Variants in NEK11 observed in about 807,000 individuals in gnomAD.
NEK11 encodes the protein NIMA related kinase 11, also known as serine/threonine-protein kinase Nek11.
In NEK11, 72 loss-of-function variants were observed where a neutral mutation model predicts 80.7. The ratio of observed to expected loss-of-function variants is 0.89; its 90% CI spans 0.74 to 1.08. The LOEUF (loss-of-function observed/expected upper bound fraction) is 1.08. NEK11 is among the 50% of genes least tolerant of loss of function. The pLI, the probability that NEK11 is intolerant of heterozygous loss-of-function variation, is 0.00. For missense variants in NEK11, 764 were observed against 763.6 expected, an observed-to-expected ratio of 1.00 and a Z score of -0.01; for synonymous variants, 251 against 260.7, an observed-to-expected ratio of 0.96 and a Z score of 0.36.
chr3:131,214,360 GAACGAGTTGTCTTCTGCCTCCA>G (rs1291549107), intron 14 of NEK11, among the ~76,000 whole-genome samples: 4 of 152,122 alleles, frequency 2.6e-5, no homozygotes, highest in African/African-American at 9.7e-5. Flanking sequence ...TAAAGTCATA[GAACGAGTTGTCTTCTGCCTCCA>G]AACACAGCAC....
chr3:131,203,324 C>T (rs969720166), intron 14 of NEK11, among the ~76,000 whole-genome samples: 15 of 150,170 alleles, frequency 1.0e-4, no homozygotes, highest in African/African-American at 3.2e-4. Context: ...CAAACTATCG[C>T]AAGGACAAAA....
intron 4 of NEK11, among the ~76,000 whole-genome samples, chr3:131,091,714 A>C (rs2076756106): frequency 6.6e-6 from 1 of 152,228 alleles, no homozygotes; most frequent in South Asian, 2.1e-4. Context: ...TAATGCACAA[A>C]TGTCTCCAAA....
chr3:131,213,191 C>CTA (rs1553939658), intron 14 of NEK11, among the ~76,000 whole-genome samples: 1 of 149,006 alleles, frequency 6.7e-6, no homozygotes, highest in African/African-American at 2.5e-5. Context: ...CCACCCATCT[C>CTA]CACACACACA....
At chr3:131,045,837 G>GT (rs897812086) in intron 3 of NEK11, among the ~76,000 whole-genome samples, 46 of 152,078 alleles carry the variant, frequency 3.0e-4, no homozygotes, top group African/African-American at 9.4e-4. Flanking sequence ...TTTTGGACAA[G>GT]TTTTTTTTAT....
At chr3:131,276,998 C>CACTTACAAAAAAAA (rs2096303587) in intron 17 of NEK11, among the ~76,000 whole-genome samples, 1 of 152,078 alleles carries the variant, frequency 6.6e-6, no homozygotes, top group African/African-American at 2.4e-5. Flanking sequence ...GAGTGCAGGC[C>CACTTACAAAAAAAA]AGTTGTTTTG....
intron 14 of NEK11, among the ~76,000 whole-genome samples, chr3:131,175,652 G>A (rs2092963984): frequency 6.6e-6 from 1 of 152,086 alleles, no homozygotes; most frequent in Non-Finnish European, 1.5e-5. Context: ...TGATAGAAAA[G>A]TTTGTAAGTT....
chr3:131,262,051 TA>T (rs1429421504), intron 16 of NEK11, among the ~76,000 whole-genome samples: 1 of 151,722 alleles, frequency 6.6e-6, no homozygotes, highest in African/African-American at 2.4e-5. Context: ...ACCAACAAAA[TA>T]AAAGAGAAGA....
chr3:131,219,320 A>G (rs1322962255), intron 14 of NEK11, among the ~76,000 whole-genome samples: 1 of 151,734 alleles, frequency 6.6e-6, no homozygotes, highest in East Asian at 1.9e-4. Context: ...GCATGTTCTC[A>G]CTCATAAGTG....
At chr3:131,094,730 G>T (rs2077194840) in intron 4 of NEK11, among the ~76,000 whole-genome samples, 1 of 152,144 alleles carries the variant, frequency 6.6e-6, no homozygotes, top group Non-Finnish European at 1.5e-5. Flanking sequence ...GGAATTGAGT[G>T]ATGTCCATCT....
At chr3:131,148,834 T>C (rs1303922817) in intron 7 of NEK11, among the ~76,000 whole-genome samples, 1 of 151,328 alleles carries the variant, frequency 6.6e-6, no homozygotes, top group Admixed American at 6.6e-5. Context: ...AAATAGGTAG[T>C]TTTTTTTCAT....
chr3:131,231,769 C>A (rs2095334471), intron 15 of NEK11, among the ~76,000 whole-genome samples: 1 of 151,960 alleles, frequency 6.6e-6, no homozygotes, highest in African/African-American at 2.4e-5. Context: ...AGACCTGCTG[C>A]CATCTCTCAG....
intron 9 of NEK11, among the ~76,000 whole-genome samples, chr3:131,154,316 G>A (rs756032675): frequency 6.6e-6 from 1 of 152,266 alleles, no homozygotes; most frequent in South Asian, 2.1e-4. Flanking sequence ...ACAGGGATCT[G>A]CTGGGACCAA....
chr3:131,136,687 C>T (rs150490016), intron 7 of NEK11, among the ~76,000 whole-genome samples: 15 of 152,192 alleles, frequency 9.9e-5, no homozygotes, highest in Admixed American at 3.9e-4. Context: ...AGTCCTTCTC[C>T]TAAAAGTGGG....
intron 14 of NEK11, among the ~76,000 whole-genome samples, chr3:131,209,995 C>G (rs545412990): frequency 6.6e-6 from 1 of 152,252 alleles, no homozygotes; most frequent in South Asian, 2.1e-4. Context: ...CAGATCTGCT[C>G]TGATCTTAGT....
intron 4 of NEK11, among the ~76,000 whole-genome samples, chr3:131,102,910 A>AGAACT (rs1200055858): frequency 3.3e-5 from 5 of 152,208 alleles, no homozygotes; most frequent in Non-Finnish European, 7.3e-5. Flanking sequence ...GTTGATTCGA[A>AGAACT]GAACTGGTCT....
At chr3:131,108,149 G>A (rs1461582145) in intron 4 of NEK11, among the ~76,000 whole-genome samples, 1 of 152,124 alleles carries the variant, frequency 6.6e-6, no homozygotes, top group Non-Finnish European at 1.5e-5. Flanking sequence ...CTTTTGATTT[G>A]TTACGGCCCT....
In NEK11 at chr3:131,104,809, C is replaced by T. The variant is rs75705950; in HGVS notation, c.337-4994C>T. On this transcript the variant is annotated intron_variant, in intron 4 of 17. Transcript: ENST00000383366. ...CACAGACTCCACAAGCTCTCTGTGT[C>T]GATCTGGAAGCCCAGGGGAGCCGGG... Among the ~76,000 whole-genome samples, 489 of 152,178 alleles carry T rather than the reference C, an allele frequency of 3.2e-3. 5 individuals are homozygous for T. Among genetic ancestry groups the T allele is most frequent in the African/African-American group, 0.011 (464 of 41,520 alleles).
At chr3:131,088,294 C>T (rs66499929) in intron 4 of NEK11, 1 of 152,000 alleles carries the variant, frequency 6.6e-6, no homozygotes, top group Non-Finnish European at 1.5e-5. Flanking sequence ...AAATTAAAGT[C>T]ATTTGGTTTG....
intron 17 of NEK11, among the ~76,000 whole-genome samples, chr3:131,319,782 C>A (rs374149180): frequency 1.4e-3 from 210 of 152,194 alleles, no homozygotes; most frequent in African/African-American, 4.9e-3. Context: ...TATAACTGAA[C>A]CTTACTTTCT....
Sources: gnomAD v4.1 joint callset for allele counts (sites outside exome capture counted in the v4.1 genomes callset) on GRCh38, gnomAD v4.1.1 for gene constraint, MANE v1.5 for transcripts, NCBI Gene and HGNC (gene_info 2026-07-23, HGNC 2026-07-21) for gene names.